Variants in ELAPOR2 observed in about 807,000 individuals in gnomAD.
ELAPOR2 encodes the protein endosome-lysosome associated apoptosis and autophagy regulator family member 2, also known as endosome/lysosome-associated apoptosis and autophagy regulator family member 2.
In ELAPOR2, 89 loss-of-function variants were observed where a neutral mutation model predicts 120.7. The ratio of observed to expected loss-of-function variants is 0.74; its 90% CI spans 0.62 to 0.88. The LOEUF (loss-of-function observed/expected upper bound fraction) is 0.88, where lower values mean the gene tolerates loss of function less well. Among genes scored for constraint, ELAPOR2 ranks in the 40% least tolerant of loss-of-function variants. The pLI, the probability that ELAPOR2 is intolerant of heterozygous loss-of-function variation, is 0.00. For synonymous variants in ELAPOR2, 444 were observed against 444.9 expected (o/e 1.00, Z 0.03); for missense variants, 1,134 against 1,251.6 (o/e 0.91, Z 1.42).
intron 13 of ELAPOR2, among the ~76,000 whole-genome samples, 162 bp from the exon 14 acceptor site, chr7:86,913,366 T>A (rs1789413498): frequency 6.6e-6 from 1 of 152,204 alleles, no homozygotes; most frequent in Non-Finnish European, 1.5e-5. Flanking sequence ...GTTCTTCTTT[T>A]AAAAAATCTT....
At position 86,891,898 on chromosome 7, in the gene ELAPOR2, T is replaced by C; in HGVS notation, c.2865-9A>G. On this transcript the variant is annotated splice_polypyrimidine_tract_variant and intron_variant, in intron 20 of 21. Transcript: ENST00000450689. ...AATATTTGTATTCCAGTCTAAATAG[T>C]GATAAAATAAATAAACAAATAAGTA... 6.5e-7 allele frequency: 1 copy of C among 1,532,658 alleles called. No homozygotes were observed. Among genetic ancestry groups the C allele is most frequent in the African/African-American group, 1.4e-5 (1 of 71,940 alleles). The allele number at this position is 1,532,658 out of a possible 1,614,324, so 94.9% of individuals were successfully genotyped here. A position where few individuals can be genotyped will look rare whatever the true frequency, so the allele number is the denominator to read the frequency against.
intron 2 of ELAPOR2, among the ~76,000 whole-genome samples, chr7:86,956,129 G>C (rs1399144809): frequency 6.6e-6 from 1 of 152,148 alleles, no homozygotes. Context: ...GAAGTGGCAT[G>C]ATAAAATTAT....
intron 1 of ELAPOR2, among the ~76,000 whole-genome samples, chr7:86,997,999 C>T (rs576536268): frequency 2.6e-5 from 4 of 152,250 alleles, no homozygotes; most frequent in African/African-American, 9.6e-5. Context: ...GAAAGAATTA[C>T]ACAACAATAT....
chr7:86,919,405 T>C (rs1789718941), intron 10 of ELAPOR2, 95 bp from the exon 11 acceptor site: 5 of 706,672 alleles, frequency 7.1e-6, no homozygotes, highest in Non-Finnish European at 1.1e-5. Context: ...GAAGCATTAG[T>C]GTTTCTGTTC....
intron 1 of ELAPOR2, among the ~76,000 whole-genome samples, chr7:86,993,639 GC>G (rs1465856020): frequency 6.6e-6 from 1 of 152,112 alleles, no homozygotes; most frequent in Non-Finnish European, 1.5e-5. Context: ...TTATACTACT[GC>G]CTTTCATTTT....
rs1789385929 is a variant in ELAPOR2 at position 86,912,984 on chromosome 7, T to C, written c.1952A>G (p.Lys651Arg). The C allele has an allele frequency of 1.2e-6, 2 of 1,613,952 alleles. No homozygotes were observed. Among genetic ancestry groups the C allele is most frequent in the Non-Finnish European group, 1.7e-6 (2 of 1,179,972 alleles). Residue 651 changes from lysine (K) to arginine (R), a missense_variant, in exon 14 of 22, where the codon AAA (lysine) becomes AGA (arginine). Around this residue, in one of 3 missense-constraint regions of ELAPOR2, gnomAD observed 831 missense variants for 867.6 expected, o/e 0.96. Transcript: ENST00000450689. ...TYLSIHQVYG[K>R]EACIPCGPGS... Reference sequence around the variant, plus strand: ...AGGCCCGCATGGAATACAAGCCTCTTTGCCATAGACCTGATGTATGGACAG... The same window carrying C: ...AGGCCCGCATGGAATACAAGCCTCTCTGCCATAGACCTGATGTATGGACAG...
At chr7:86,991,623 A>C (rs748761619) in intron 1 of ELAPOR2, among the ~76,000 whole-genome samples, 2 of 152,208 alleles carry the variant, frequency 1.3e-5, no homozygotes, top group Non-Finnish European at 2.9e-5. Context: ...CAGTCACTGG[A>C]ATAAGCCAGG....
chr7:87,040,722 G>A (rs1794755219), intron 1 of ELAPOR2, among the ~76,000 whole-genome samples: 1 of 152,232 alleles, frequency 6.6e-6, no homozygotes. Context: ...TCCTCCAAAG[G>A]AACGCAGTTC....
At position 87,054,553 on chromosome 7, in the gene ELAPOR2, G is replaced by A. The variant is rs1008822194; in HGVS notation, c.189+4772C>T. 6.6e-5 allele frequency among the ~76,000 whole-genome samples: 10 copies of A among 152,220 alleles called. No homozygotes were observed. The South Asian group carries it at 2.1e-3, about 32-fold the overall frequency. On this transcript the variant is annotated intron_variant, in intron 1 of 21. Transcript: ENST00000450689. ...CAGTGTGACTGTAGAACCTTTGACA[G>A]CTTCACCCATAGCCCATGGCCTTCA...
intron 8 of ELAPOR2, among the ~76,000 whole-genome samples, chr7:86,936,840 T>C (rs1435719689): frequency 6.6e-6 from 1 of 152,066 alleles, no homozygotes; most frequent in East Asian, 1.9e-4. Context: ...AAAATACAGC[T>C]TTTGCATATT....
intron 1 of ELAPOR2, among the ~76,000 whole-genome samples, chr7:86,987,114 A>G (rs1792770833): frequency 6.6e-6 from 1 of 152,306 alleles, no homozygotes; most frequent in African/African-American, 2.4e-5. Context: ...CCTATTTAAT[A>G]AATGGTGCTG....
chr7:86,949,569 A>G (rs543630934), intron 2 of ELAPOR2, among the ~76,000 whole-genome samples: 60 of 152,256 alleles, frequency 3.9e-4, no homozygotes, highest in African/African-American at 1.4e-3. Context: ...TACCCAAGCC[A>G]TGGCTGTGGA....
chr7:87,037,436 A>ATAT (rs2116755731), intron 1 of ELAPOR2, among the ~76,000 whole-genome samples: 1 of 152,178 alleles, frequency 6.6e-6, no homozygotes, highest in Non-Finnish European at 1.5e-5. Flanking sequence ...AAAACTTATA[A>ATAT]GTCATGGTAG....
At chr7:86,930,219 T>TTGAA (rs1461165741) in intron 8 of ELAPOR2, among the ~76,000 whole-genome samples, 2 of 151,936 alleles carry the variant, frequency 1.3e-5, no homozygotes, top group South Asian at 2.1e-4. Flanking sequence ...ATTATACTCA[T>TTGAA]TGAATGAATG....
chr7:86,933,417 A>C (rs549457138), intron 8 of ELAPOR2, among the ~76,000 whole-genome samples: 11 of 151,988 alleles, frequency 7.2e-5, no homozygotes, highest in Non-Finnish European at 1.6e-4. Flanking sequence ...TGCCTGTGAT[A>C]AAAAGTTCCC....
intron 18 of ELAPOR2, among the ~76,000 whole-genome samples, chr7:86,905,062 A>AGG: frequency 7.4e-6 from 1 of 134,858 alleles, no homozygotes; most frequent in Non-Finnish European, 1.6e-5. Flanking sequence ...TGAGAAAGAC[A>AGG]GAGAGAGAGA....
chr7:86,885,653 ACT>A (rs1799654750), intron 21 of ELAPOR2, among the ~76,000 whole-genome samples: 1 of 151,898 alleles, frequency 6.6e-6, no homozygotes, highest in Admixed American at 6.6e-5. Flanking sequence ...AACATTTACC[ACT>A]CTGTTGGTTG....
intron 1 of ELAPOR2, among the ~76,000 whole-genome samples, chr7:87,010,041 G>C (rs1793605494): frequency 6.6e-6 from 1 of 152,160 alleles, no homozygotes; most frequent in South Asian, 2.1e-4. Context: ...TTTCTCTAGA[G>C]GTCTCTTTTC....
chr7:86,881,773 T>G (rs1173459399), intron 21 of ELAPOR2, among the ~76,000 whole-genome samples: 1 of 152,170 alleles, frequency 6.6e-6, no homozygotes, highest in East Asian at 1.9e-4. Context: ...ATAGGGAGAC[T>G]ATGCTAATAA....
Sources: allele counts gnomAD v4.1 joint callset (sites outside exome capture counted in the v4.1 genomes callset), GRCh38; gene constraint gnomAD v4.1.1; regional missense constraint gnomAD v4.1.1; transcripts MANE v1.5; gene names NCBI Gene and HGNC (gene_info 2026-07-23, HGNC 2026-07-21).